The following PLCB4 variants were observed in gnomAD, a reference collection of about 807,000 sequenced individuals.
The protein encoded by PLCB4 is 1-phosphatidylinositol 4,5-bisphosphate phosphodiesterase beta-4.
PLCB4 carries 77 observed loss-of-function variants against 178.8 expected under a neutral mutation model. The observed-to-expected ratio is 0.43, with a 90% CI of 0.36 to 0.52. The LOEUF is 0.52. PLCB4 is among the 20% of genes least tolerant of loss of function. The pLI is 0.00. For missense variants in PLCB4, 1,024 were observed against 1,453.4 expected (o/e 0.70, Z 4.80); for synonymous variants, 496 against 490.8 (o/e 1.01, Z -0.14).
At chr20:9,228,972 T>G (rs2147338551) in intron 3 of PLCB4, among the ~76,000 whole-genome samples, 1 of 152,346 alleles carries the variant, frequency 6.6e-6, no homozygotes, top group African/African-American at 2.4e-5. Flanking sequence ...AGGTCCTTGG[T>G]CTTCATGGTT....
intron 7 of PLCB4, among the ~76,000 whole-genome samples, chr20:9,340,578 C>G (rs2033069238): frequency 6.6e-6 from 1 of 152,104 alleles, no homozygotes; most frequent in East Asian, 1.9e-4. Flanking sequence ...ACAGATTTTG[C>G]AGTGCCTTCA....
chr20:9,466,979 CAT>C (rs1484626448), intron 35 of PLCB4, among the ~76,000 whole-genome samples: 31 of 152,310 alleles, frequency 2.0e-4, no homozygotes, highest in African/African-American at 7.0e-4. Context: ...CACATGCACA[CAT>C]GTGTTTATTG....
At position 9,435,630 on chromosome 20, in the gene PLCB4, A is replaced by G. The variant is rs375514750; in HGVS notation, c.2595A>G (p.Arg865=). The G allele has an allele frequency of 1.9e-5, 31 of 1,597,742 alleles. No individual in the cohort carries two copies. Among genetic ancestry groups the G allele is most frequent in the Non-Finnish European group, 2.6e-5 (30 of 1,166,054 alleles). The change falls in exon 29 of 40, where the codon AGA becomes AGG. Residue 865 remains arginine (R), a synonymous_variant. Coordinates refer to ENST00000378473, the MANE Select transcript of PLCB4 (RefSeq NM_001377142.1). ...SITEKRADQM[R]AMGIETSDIA... is the part of the protein sequence containing the mutation. ...CAGAAAAGAGAGCAGACCAAATGAG[A>G]GCTATGGGCATTGAAACTGTAAGTA...
At chr20:9,112,851 C>T (rs148900782) in intron 2 of PLCB4, among the ~76,000 whole-genome samples, 1,713 of 148,754 alleles carry the variant, frequency 0.012, 38 homozygotes, top group African/African-American at 0.04. Context: ...CATGCAAAAG[C>T]TGTCTCTATA....
intron 7 of PLCB4, among the ~76,000 whole-genome samples, chr20:9,342,328 A>G (rs1389032399): frequency 6.6e-6 from 1 of 152,132 alleles, no homozygotes; most frequent in Non-Finnish European, 1.5e-5. Context: ...AAATGTAGAG[A>G]TTTCCCAGGG....
intron 7 of PLCB4, among the ~76,000 whole-genome samples, chr20:9,343,639 T>A (rs1489665511): frequency 6.6e-6 from 1 of 152,244 alleles, no homozygotes; most frequent in African/African-American, 2.4e-5. Flanking sequence ...TGAGAGTAAA[T>A]ACGTTTGTGT....
chr20:9,152,904 G>A (rs1256406572), intron 2 of PLCB4, among the ~76,000 whole-genome samples: 1 of 152,156 alleles, frequency 6.6e-6, no homozygotes, highest in East Asian at 1.9e-4. Flanking sequence ...CCAAGACCAT[G>A]GGAACATATC....
chr20:9,441,561 T>C (rs1316226554), intron 30 of PLCB4, among the ~76,000 whole-genome samples: 1 of 152,178 alleles, frequency 6.6e-6, no homozygotes, highest in Non-Finnish European at 1.5e-5. Context: ...TAGAATGTTT[T>C]AAAGCCAGTT....
chr20:9,219,763 A>G (rs1195728127), intron 3 of PLCB4, among the ~76,000 whole-genome samples: 2 of 152,188 alleles, frequency 1.3e-5, no homozygotes, highest in Non-Finnish European at 2.9e-5. Context: ...TGATTCTTCT[A>G]TAATATCTTC....
At chr20:9,473,513 A>G in intron 38 of PLCB4, 148 bp downstream of exon 38, 2 of 433,728 alleles carry the variant, frequency 4.6e-6, no homozygotes, top group South Asian at 8.1e-5. Flanking sequence ...TTTCTCCATT[A>G]TATCCAAAAA....
chr20:9,232,646 T>A (rs1001006633), intron 3 of PLCB4, among the ~76,000 whole-genome samples: 5 of 152,156 alleles, frequency 3.3e-5, no homozygotes, highest in African/African-American at 1.2e-4. Flanking sequence ...AGTTTGTAGG[T>A]AATTTTCAAC....
chr20:9,453,293 T>C (rs1233184874), intron 32 of PLCB4, 54 bp from the exon 33 acceptor site: 20 of 1,003,548 alleles, frequency 2.0e-5, no homozygotes, highest in East Asian at 9.5e-5. Flanking sequence ...CAGCCCTATA[T>C]GGTGTGAGCC....
At chr20:9,436,189 T>C (rs2041756657) in intron 29 of PLCB4, among the ~76,000 whole-genome samples, 3 of 152,210 alleles carry the variant, frequency 2.0e-5, no homozygotes, top group Non-Finnish European at 1.5e-5. Flanking sequence ...GGATACCTCA[T>C]TATGTATATG....
At chr20:9,278,775 C>T (rs868803235) in intron 3 of PLCB4, among the ~76,000 whole-genome samples, 5 of 151,958 alleles carry the variant, frequency 3.3e-5, no homozygotes, top group South Asian at 2.1e-4. Context: ...TGATGGCAGC[C>T]GACACATAGA....
chr20:9,247,305 A>T (rs1425378623), intron 3 of PLCB4, among the ~76,000 whole-genome samples: 1 of 152,198 alleles, frequency 6.6e-6, no homozygotes, highest in Non-Finnish European at 1.5e-5. Flanking sequence ...TTTTTTAGAA[A>T]TAGCTCTAGC....
intron 2 of PLCB4, among the ~76,000 whole-genome samples, chr20:9,111,939 A>G (rs1378232661): frequency 6.6e-6 from 1 of 152,194 alleles, no homozygotes; most frequent in East Asian, 1.9e-4. Context: ...AAAGTCCACT[A>G]GTGGAAGTAT....
intron 3 of PLCB4, among the ~76,000 whole-genome samples, chr20:9,254,621 C>G (rs916252535): frequency 2.6e-5 from 4 of 152,146 alleles, no homozygotes; most frequent in Non-Finnish European, 5.9e-5. Flanking sequence ...TCTCTTGAAT[C>G]TGGGAGTTGG....
intron 2 of PLCB4, among the ~76,000 whole-genome samples, chr20:9,153,029 C>T (rs112787539): frequency 0.1 from 15,785 of 152,154 alleles, 1,079 homozygotes; most frequent in South Asian, 0.25. Flanking sequence ...GTAACCCCTT[C>T]GTTTTGGCCA....
At chr20:9,169,993 CG>C (rs1325563849) in intron 2 of PLCB4, among the ~76,000 whole-genome samples, 1 of 152,052 alleles carries the variant, frequency 6.6e-6, no homozygotes, top group African/African-American at 2.4e-5. Context: ...GTTATTCATA[CG>C]AAATTTCTAT....
Sources: allele counts gnomAD v4.1 joint callset (sites outside exome capture counted in the v4.1 genomes callset), GRCh38; gene constraint gnomAD v4.1.1; transcripts MANE v1.5; gene names NCBI Gene and HGNC (gene_info 2026-07-23, HGNC 2026-07-21).